MTMR7: variants seen among roughly 807,000 people sequenced by gnomAD.
MTMR7 encodes the protein myotubularin related protein 7, also known as phosphatidylinositol-3-phosphate phosphatase MTMR7.
Under a neutral mutation model 81.2 loss-of-function variants are expected in MTMR7, and 76 were observed. The ratio of observed to expected loss-of-function variants is 0.94; its 90% CI spans 0.78 to 1.13. The LOEUF is 1.13. Among genes scored for constraint, MTMR7 ranks in the 50% most tolerant of loss-of-function variants. The pLI is 0.00. For synonymous variants in MTMR7, 372 were observed against 289.8 expected, an observed-to-expected ratio of 1.28 and a Z score of -2.88; for missense variants, 1,044 against 820.0, an observed-to-expected ratio of 1.27 and a Z score of -3.34.
intron 6 of MTMR7, among the ~76,000 whole-genome samples, chr8:17,333,726 C>G (rs188825221): frequency 6.6e-6 from 1 of 152,062 alleles, no homozygotes; most frequent in East Asian, 1.9e-4. Flanking sequence ...TGGCATGTGA[C>G]TAGTCCCACC....
chr8:17,385,297 T>G (rs1014499775), intron 1 of MTMR7, among the ~76,000 whole-genome samples: 3 of 151,990 alleles, frequency 2.0e-5, no homozygotes, highest in Non-Finnish European at 4.4e-5. Context: ...TTGATATGGT[T>G]TGGCTGTGTC....
chr8:17,398,909 T>G (rs560983998), intron 1 of MTMR7, among the ~76,000 whole-genome samples: 7 of 152,242 alleles, frequency 4.6e-5, no homozygotes, highest in African/African-American at 1.4e-4. Context: ...ATCATCAATT[T>G]AAAATAATGG....
chr8:17,335,619 G>C (rs973477891), intron 6 of MTMR7, among the ~76,000 whole-genome samples: 4 of 152,170 alleles, frequency 2.6e-5, no homozygotes, highest in African/African-American at 9.7e-5. Context: ...TAACACAGGT[G>C]GTCAAATGAC....
At chr8:17,348,458 G>A (rs1335842740) in intron 5 of MTMR7, among the ~76,000 whole-genome samples, 1 of 151,084 alleles carries the variant, frequency 6.6e-6, no homozygotes, top group Non-Finnish European at 1.5e-5. Flanking sequence ...GCTGAGGCAG[G>A]AGAATTGCTT....
At chr8:17,352,707 GAAATCA>G (rs1175551200) in intron 4 of MTMR7, among the ~76,000 whole-genome samples, 2 of 152,164 alleles carry the variant, frequency 1.3e-5, no homozygotes, top group Non-Finnish European at 2.9e-5. Flanking sequence ...GTATCTTAGG[GAAATCA>G]AAATCAAAAC....
chr8:17,340,373 C>G (rs569812084), intron 6 of MTMR7, among the ~76,000 whole-genome samples: 21 of 152,368 alleles, frequency 1.4e-4, no homozygotes, highest in African/African-American at 4.6e-4. Context: ...TCTTTCTCCT[C>G]AGTCACAGGT....
At chr8:17,378,071 A>G (rs1343746287) in intron 1 of MTMR7, among the ~76,000 whole-genome samples, 1 of 152,184 alleles carries the variant, frequency 6.6e-6, no homozygotes, top group Non-Finnish European at 1.5e-5. Context: ...TAAGGTATGC[A>G]GATGTTGAGA....
intron 1 of MTMR7, among the ~76,000 whole-genome samples, chr8:17,384,046 T>G (rs1190553492): frequency 2.0e-5 from 3 of 152,186 alleles, no homozygotes; most frequent in African/African-American, 7.2e-5. Context: ...CCTGGACAAA[T>G]GATCCCATCT....
intron 1 of MTMR7, among the ~76,000 whole-genome samples, chr8:17,381,841 C>G (rs2150572668): frequency 6.6e-6 from 1 of 152,236 alleles, no homozygotes; most frequent in African/African-American, 2.4e-5. Flanking sequence ...CTAACTCTAC[C>G]AACATGAAAA....
Position 17,331,267 on chromosome 8 carries a change from T to G in MTMR7, c.748A>C (p.Asn250His). Residue 250 changes from asparagine to histidine, a missense_variant, in exon 7 of 14, where the codon AAT (asparagine) becomes CAT (histidine). Transcript: ENST00000180173. ...TCATAGCCTTTCCCTGCAGCACGAT[T>G]TGCCATTGCATTAAGCTGCAGTGGT... is the stretch of plus-strand genomic sequence containing the variant. The part of the protein sequence containing the change: ...DTRPKLNAMA[N>H]RAAGKGYENE... 1 of 1,608,254 alleles carries G rather than the reference T, an allele frequency of 6.2e-7. No individual in the cohort carries two copies. The highest frequency in any genetic ancestry group is 8.5e-7 in the Non-Finnish European group (1 of 1,178,308).
At chr8:17,315,685 A>G (rs909212460) in intron 7 of MTMR7, among the ~76,000 whole-genome samples, 5 of 152,006 alleles carry the variant, frequency 3.3e-5, no homozygotes, top group Non-Finnish European at 7.4e-5. Context: ...ATTGGCCACA[A>G]CTGCTCCAGA....
chr8:17,395,925 A>T (rs1246980372), intron 1 of MTMR7, among the ~76,000 whole-genome samples: 2 of 152,226 alleles, frequency 1.3e-5, no homozygotes, highest in Non-Finnish European at 2.9e-5. Context: ...TAAATACAAC[A>T]TTCTTCTCAT....
intron 3 of MTMR7, among the ~76,000 whole-genome samples, 186 bp downstream of exon 3, chr8:17,370,851 G>A (rs1329724029): frequency 6.6e-6 from 1 of 151,862 alleles, no homozygotes; most frequent in South Asian, 2.1e-4. Context: ...AAATAACTCG[G>A]GGGAGACTCT....
intron 1 of MTMR7, among the ~76,000 whole-genome samples, chr8:17,389,775 C>T (rs940493723): frequency 6.6e-6 from 1 of 151,980 alleles, no homozygotes; most frequent in Non-Finnish European, 1.5e-5. Context: ...TAAAACAAAA[C>T]TTCATCTGCA....
At chr8:17,304,746 C>CGTGTGTGTGTGTGTGTGTGTGAGTGT (rs1817341524) in intron 11 of MTMR7, among the ~76,000 whole-genome samples, 1 of 146,992 alleles carries the variant, frequency 6.8e-6, no homozygotes, top group Non-Finnish European at 1.5e-5. Context: ...GTGTTCGATT[C>CGTGTGTGTGTGTGTGTGTGTGAGTGT]GTGTGTGTGT....
intron 3 of MTMR7, among the ~76,000 whole-genome samples, chr8:17,365,872 G>C (rs10095229): frequency 1.3e-5 from 2 of 152,156 alleles, no homozygotes; most frequent in East Asian, 3.8e-4. Flanking sequence ...TTAAGGATGA[G>C]TAACAGTTTG....
chr8:17,391,428 C>T (rs560925423), intron 1 of MTMR7, among the ~76,000 whole-genome samples: 4 of 152,202 alleles, frequency 2.6e-5, no homozygotes, highest in Admixed American at 2.6e-4. Flanking sequence ...TTCTTTACTA[C>T]ACGGTAAGTT....
intron 1 of MTMR7, among the ~76,000 whole-genome samples, chr8:17,382,565 A>G (rs1375210545): frequency 6.6e-6 from 1 of 152,320 alleles, no homozygotes; most frequent in Non-Finnish European, 1.5e-5. Context: ...TAGCACATCC[A>G]TCCGTCCATC....
At chr8:17,329,924 G>A (rs564996588) in intron 7 of MTMR7, among the ~76,000 whole-genome samples, 1 of 152,150 alleles carries the variant, frequency 6.6e-6, no homozygotes, top group Admixed American at 6.5e-5. Context: ...AAATGGCTCT[G>A]GGGCTGAGAT....
Sources: gnomAD v4.1 joint callset for allele counts (sites outside exome capture counted in the v4.1 genomes callset) on GRCh38, gnomAD v4.1.1 for gene constraint, MANE v1.5 for transcripts, NCBI Gene and HGNC (gene_info 2026-07-23, HGNC 2026-07-21) for gene names.